ANKS1A: variants seen among roughly 807,000 people sequenced by gnomAD.
ANKS1A encodes the protein ankyrin repeat and sterile alpha motif domain containing 1A.
A neutral mutation model predicts 120.3 loss-of-function variants in ANKS1A; 55 were observed. The ratio of observed to expected loss-of-function variants is 0.46; its 90% CI spans 0.37 to 0.57. The LOEUF (loss-of-function observed/expected upper bound fraction) is 0.57, where lower values mean the gene tolerates loss of function less well. Ranked by LOEUF, ANKS1A falls within the 20% of genes least tolerant of loss-of-function variation. The pLI is 0.00. For missense variants in ANKS1A, 1,123 were observed against 1,480.3 expected, an observed-to-expected ratio of 0.76 and a Z score of 3.96; for synonymous variants, 590 against 604.7, an observed-to-expected ratio of 0.98 and a Z score of 0.36.
At chr6:35,067,466 C>T (rs970986020) in intron 13 of ANKS1A, among the ~76,000 whole-genome samples, 2 of 152,148 alleles carry the variant, frequency 1.3e-5, no homozygotes, top group Non-Finnish European at 2.9e-5. Flanking sequence ...TAGTAGCGGC[C>T]GGCCAGCATT....
At chr6:34,965,641 G>A (rs982392688) in intron 1 of ANKS1A, among the ~76,000 whole-genome samples, 26 of 152,250 alleles carry the variant, frequency 1.7e-4, no homozygotes, top group African/African-American at 5.3e-4. Flanking sequence ...GTGAGCCACC[G>A]TACCCGGCCA....
Position 35,000,512 on chromosome 6 carries a change from C to T in ANKS1A, c.1423+6090C>T, listed in dbSNP as rs1036515579. Among the ~76,000 whole-genome samples the T allele has an allele frequency of 6.0e-5, 9 of 148,846 alleles. No individual in the cohort carries two copies. The South Asian group carries it at 1.1e-3, about 17-fold the overall frequency. On this transcript the variant is annotated intron_variant, in intron 10 of 23. Coordinates refer to ENST00000360359, the MANE Select transcript of ANKS1A (RefSeq NM_015245.3). The stretch of plus-strand genomic sequence containing the variant: ...TCAAAGAAAAAAAAGTGGAGGGAGG[C>T]AAAATTTATGTAAAAAGAGTGTTAT...
In ANKS1A at chr6:35,086,264, C is replaced by A. The variant is rs1777971698; in HGVS notation, c.3303+328C>A. On this transcript the variant is annotated intron_variant, in intron 22 of 23. Transcript: ENST00000360359. This position sits in a 1 kb window ranked among gnomAD's most constrained non-coding sequence, Gnocchi z 5.1. ...GTGTCTGTGTCTGCTTTGCTCTGCACCCCAGGTGCCGCTGCCCCCCGATAG... is the reference window on the plus strand; with the variant it reads ...GTGTCTGTGTCTGCTTTGCTCTGCAACCCAGGTGCCGCTGCCCCCCGATAG... 5 of 1,346,002 alleles carry A rather than the reference C, an allele frequency of 3.7e-6. No individual in the cohort carries two copies. The Admixed American group carries it at 6.7e-5, about 18-fold the overall frequency. 83.4% of individuals were successfully genotyped at this position (1,346,002 alleles called of 1,614,324 possible).
chr6:34,928,640 G>T (rs897256605), intron 1 of ANKS1A, among the ~76,000 whole-genome samples: 1 of 151,838 alleles, frequency 6.6e-6, no homozygotes, highest in Admixed American at 6.6e-5. Context: ...AGGGTAGAGT[G>T]TTACTCTGTT....
intron 2 of ANKS1A, among the ~76,000 whole-genome samples, chr6:34,967,523 A>C (rs949579897): frequency 3.3e-5 from 3 of 91,604 alleles, no homozygotes; most frequent in South Asian, 6.9e-4. Context: ...CCATCTCCAC[A>C]AAAAAAAAAA....
intron 1 of ANKS1A, among the ~76,000 whole-genome samples, chr6:34,897,085 A>G (rs1767128436): frequency 6.6e-6 from 1 of 152,234 alleles, no homozygotes; most frequent in Non-Finnish European, 1.5e-5. Context: ...TGGAAGGTTG[A>G]GGCTGCAGTG....
At chr6:35,093,912 G>A (rs1293367996), downstream of ANKS1A, among the ~76,000 whole-genome samples, 2 of 152,204 alleles carry the variant, frequency 1.3e-5, no homozygotes, top group African/African-American at 4.8e-5. Flanking sequence ...CCTCACGCAT[G>A]TTGTCAGAGG....
chr6:34,901,700 G>C (rs750992005), intron 1 of ANKS1A, among the ~76,000 whole-genome samples: 2 of 152,058 alleles, frequency 1.3e-5, no homozygotes, highest in South Asian at 4.1e-4. Context: ...TTGTAGAGAC[G>C]GAGTCTTGCC....
At chr6:35,042,006 G>A (rs1414639501) in intron 11 of ANKS1A, among the ~76,000 whole-genome samples, 3 of 152,216 alleles carry the variant, frequency 2.0e-5, no homozygotes, top group Non-Finnish European at 4.4e-5. Flanking sequence ...AATTCAGGAT[G>A]GTGGTGGCCT....
rs3823438 is a variant in ANKS1A at position 34,994,283 on chromosome 6, G to A, written c.1303-19G>A. 853,670 of 1,610,864 alleles carry A rather than the reference G, an allele frequency of 0.53. 236,845 individuals carry two copies. The highest frequency in any genetic ancestry group is 0.57 in the Non-Finnish European group (671,953 of 1,177,952). On this transcript the variant is annotated intron_variant, in intron 9 of 23. Coordinates refer to ENST00000360359, the MANE Select transcript of ANKS1A (RefSeq NM_015245.3). ...ATTAGCCACATGCACAAGATACACT[G>A]GATGTTTCTCTCCCTTAGGTTCTGT... is the stretch of plus-strand genomic sequence containing the variant.
chr6:34,906,664 A>G (rs1245031851), intron 1 of ANKS1A, among the ~76,000 whole-genome samples: 1 of 152,240 alleles, frequency 6.6e-6, no homozygotes, highest in Non-Finnish European at 1.5e-5. Context: ...TAATTGCTGC[A>G]GGCAAGATCT....
intron 1 of ANKS1A, among the ~76,000 whole-genome samples, chr6:34,902,280 G>A (rs1561837195): frequency 1.3e-5 from 2 of 151,332 alleles, no homozygotes; most frequent in African/African-American, 4.9e-5. Context: ...ACGGCGTTTC[G>A]CTCTTGCTGC....
chr6:34,957,615 G>T (rs577140550), intron 1 of ANKS1A, among the ~76,000 whole-genome samples: 13 of 152,312 alleles, frequency 8.5e-5, no homozygotes, highest in South Asian at 4.1e-4. Flanking sequence ...ATGAAGAATT[G>T]TTGGAGAGCT....
chr6:34,917,524 G>A (rs757884519), intron 1 of ANKS1A, among the ~76,000 whole-genome samples: 41 of 152,206 alleles, frequency 2.7e-4, no homozygotes, highest in Non-Finnish European at 5.3e-4. Context: ...ACCAGTTTTT[G>A]TAAGATAATC....
chr6:35,021,707 C>T (rs1038371218), intron 11 of ANKS1A, among the ~76,000 whole-genome samples: 3 of 152,044 alleles, frequency 2.0e-5, no homozygotes, highest in African/African-American at 7.2e-5. Flanking sequence ...GAGCTCAGGC[C>T]GGGTGCGGTG....
chr6:35,035,885 C>A (rs554481322), intron 11 of ANKS1A, among the ~76,000 whole-genome samples: 1 of 152,292 alleles, frequency 6.6e-6, no homozygotes, highest in African/African-American at 2.4e-5. Context: ...TCAGTGACTG[C>A]CCTTCACAGG....
Position 35,086,382 on chromosome 6 carries a change from C to T in ANKS1A, c.3303+446C>T. 3 of 1,293,620 alleles carry T rather than the reference C, an allele frequency of 2.3e-6. No individual in the cohort carries two copies. Among genetic ancestry groups the T allele is most frequent in the Non-Finnish European group, 3.0e-6 (3 of 991,284 alleles). The allele number at this position is 1,293,620 out of a possible 1,614,324, so 80.1% of individuals were successfully genotyped here. ...CCTGGAGTCAAGGTCTTTACGCCTC[C>T]TGCTGTCTTGTGTGTCAGTCTCCCC... is the stretch of plus-strand genomic sequence containing the variant. On this transcript the variant is annotated intron_variant, in intron 22 of 23. Transcript: ENST00000360359. This position sits in a 1 kb window ranked among gnomAD's most constrained non-coding sequence, Gnocchi z 5.1.
chr6:34,976,147 A>AAAAAAAAG (rs559867720), intron 3 of ANKS1A, among the ~76,000 whole-genome samples: 1,498 of 145,640 alleles, frequency 0.01, 23 homozygotes, highest in Middle Eastern at 0.025. Flanking sequence ...AAAAAAAAAA[A>AAAAAAAAG]AAAAGAAAAG....
chr6:34,958,340 C>T (rs1445763527), intron 1 of ANKS1A, among the ~76,000 whole-genome samples: 1 of 152,172 alleles, frequency 6.6e-6, no homozygotes, highest in Non-Finnish European at 1.5e-5. Context: ...TCTATTGAAT[C>T]TATCCTTTTT....
Sources: gnomAD v4.1 joint callset for allele counts (sites outside exome capture counted in the v4.1 genomes callset) on GRCh38, gnomAD v4.1.1 for gene constraint, Gnocchi (gnomAD v3.1) non-coding constraint, MANE v1.5 for transcripts, NCBI Gene and HGNC (gene_info 2026-07-23, HGNC 2026-07-21) for gene names.